The following PTPN3 variants were observed in gnomAD, a reference collection of about 807,000 sequenced individuals.
The protein encoded by PTPN3 is tyrosine-protein phosphatase non-receptor type 3.
Under a neutral mutation model 132.7 loss-of-function variants are expected in PTPN3, and 96 were observed. That is an observed-to-expected ratio of 0.72 (90% confidence interval 0.61 to 0.86). The LOEUF (loss-of-function observed/expected upper bound fraction) is 0.86, where lower values mean the gene tolerates loss of function less well. PTPN3 is among the 40% of genes least tolerant of loss of function. The pLI, the probability that PTPN3 is intolerant of heterozygous loss-of-function variation, is 0.00. For synonymous variants in PTPN3, 398 were observed against 429.0 expected (o/e 0.93, Z 0.89); for missense variants, 1,125 against 1,159.6 (o/e 0.97, Z 0.43).
chr9:109,500,161 G>T (rs1264998159), upstream of PTPN3, among the ~76,000 whole-genome samples: 1 of 152,364 alleles, frequency 6.6e-6, no homozygotes, highest in African/African-American at 2.4e-5. Context: ...TAAGGAACGT[G>T]AACGTGTTTA....
In PTPN3 at chr9:109,404,454, C is replaced by T. The variant is rs754970085; in HGVS notation, c.1947G>A (p.Gln649=). The change falls in exon 19 of 26, where the codon CAG becomes CAA. Residue 649 remains glutamine (Q), a synonymous_variant. Coordinates refer to ENST00000374541, the MANE Select transcript of PTPN3 (RefSeq NM_002829.4). ...AGCCTCCAGAGGGTCTTACCTCAAACTGGATCAGCACCGTCCCGCTTTCGA... is the reference window on the plus strand; with the variant it reads ...AGCCTCCAGAGGGTCTTACCTCAAATTGGATCAGCACCGTCCCGCTTTCGA... ...KGLESGTVLI[Q]FEQLYRKKPG... 6.9e-7 allele frequency: 1 copy of T among 1,447,980 alleles called. No individual in the cohort carries two copies. Among genetic ancestry groups the T allele is most frequent in the Non-Finnish European group, 9.3e-7 (1 of 1,079,960 alleles). 89.7% of individuals were successfully genotyped at this position (1,447,980 alleles called of 1,614,324 possible).
chr9:109,418,105 A>C (rs1300814102), intron 14 of PTPN3, among the ~76,000 whole-genome samples: 1 of 152,104 alleles, frequency 6.6e-6, no homozygotes, highest in Non-Finnish European at 1.5e-5. Context: ...CAGGAGGAAA[A>C]TCTGATGTAG....
At chr9:109,496,918 G>T (rs1847694784) in intron 1 of PTPN3, among the ~76,000 whole-genome samples, 1 of 152,168 alleles carries the variant, frequency 6.6e-6, no homozygotes, top group South Asian at 2.1e-4. Flanking sequence ...ATCGCTTAAA[G>T]TTGGATTTGG....
chr9:109,489,256 T>C (rs867095039), intron 1 of PTPN3, among the ~76,000 whole-genome samples: 25 of 152,186 alleles, frequency 1.6e-4, no homozygotes, highest in African/African-American at 5.3e-4. Flanking sequence ...ACAGGTACCA[T>C]AGTGAGGTGA....
chr9:109,485,442 A>G (rs1847164121), intron 1 of PTPN3, among the ~76,000 whole-genome samples: 1 of 152,218 alleles, frequency 6.6e-6, no homozygotes, highest in South Asian at 2.1e-4. Context: ...TGGGAGGCGG[A>G]GCTTGCAGTG....
At position 109,389,393 on chromosome 9, in the gene PTPN3, G is replaced by C. The variant is rs762851927; in HGVS notation, c.2107-14C>G. ...AGGAATTTCCATCTGGTAAGAAATT[G>C]GTAAAGTATTAGAATCTGTTGCTGC... On this transcript the variant is annotated splice_polypyrimidine_tract_variant and intron_variant, in intron 21 of 25. Transcript: ENST00000374541. The C allele has an allele frequency of 5.6e-6, 9 of 1,611,870 alleles. No individual in the cohort carries two copies. Among genetic ancestry groups the C allele is most frequent in the African/African-American group, 1.3e-5 (1 of 74,878 alleles).
At chr9:109,505,548 G>T in the PTPN3 span, among the ~76,000 whole-genome samples, 1 of 152,158 alleles carries the variant, frequency 6.6e-6, no homozygotes, top group Non-Finnish European at 1.5e-5. Context: ...CAAAGTGTTG[G>T]GATTACAGGC....
At chr9:109,383,085 C>A (rs1839252442) in intron 23 of PTPN3, among the ~76,000 whole-genome samples, 1 of 152,194 alleles carries the variant, frequency 6.6e-6, no homozygotes, top group South Asian at 2.1e-4. Flanking sequence ...TGGCTTATTT[C>A]ACTTAGGATA....
intron 22 of PTPN3, among the ~76,000 whole-genome samples, chr9:109,388,348 A>T (rs1839775205): frequency 6.6e-6 from 1 of 152,202 alleles, no homozygotes. Flanking sequence ...AGGGGAGGTT[A>T]AGTTCCAGGG....
chr9:109,507,911 T>C, the PTPN3 span, among the ~76,000 whole-genome samples: 1 of 152,326 alleles, frequency 6.6e-6, no homozygotes, highest in South Asian at 2.1e-4. Context: ...GTCTCTCAGT[T>C]GGGTCCTGAA....
chr9:109,453,541 T>C (rs1426431542), intron 5 of PTPN3, among the ~76,000 whole-genome samples: 1 of 152,176 alleles, frequency 6.6e-6, no homozygotes, highest in African/African-American at 2.4e-5. Context: ...AAAACCCCAG[T>C]ACCAGCCCAG....
chr9:109,450,217 T>A (rs1438153714), intron 5 of PTPN3: 3 of 985,252 alleles, frequency 3.0e-6, no homozygotes, highest in Non-Finnish European at 3.6e-6. Flanking sequence ...TGAGAGACAG[T>A]ATAACATACA....
intron 19 of PTPN3, among the ~76,000 whole-genome samples, chr9:109,397,392 CA>C (rs1840691492): frequency 6.6e-6 from 1 of 152,156 alleles, no homozygotes; most frequent in South Asian, 2.1e-4. Flanking sequence ...AAAGCATGCC[CA>C]AGAGAATTTC....
At chr9:109,450,607 T>C in intron 5 of PTPN3, 1 of 985,038 alleles carries the variant, frequency 1.0e-6, no homozygotes, top group Non-Finnish European at 1.2e-6. Flanking sequence ...CTTGGGAGAC[T>C]TCCTAGGAAT....
At chr9:109,386,801 G>A (rs1037373016) in intron 22 of PTPN3, among the ~76,000 whole-genome samples, 4 of 152,228 alleles carry the variant, frequency 2.6e-5, no homozygotes, top group Non-Finnish European at 5.9e-5. Flanking sequence ...GGAAATGACA[G>A]GACCAGGCAA....
chr9:109,422,408 T>G (rs1478625588), intron 13 of PTPN3, among the ~76,000 whole-genome samples: 2 of 152,226 alleles, frequency 1.3e-5, no homozygotes, highest in African/African-American at 2.4e-5. Flanking sequence ...TTTTTTATTA[T>G]TGGACGTCTC....
intron 1 of PTPN3, among the ~76,000 whole-genome samples, chr9:109,472,388 A>G (rs1364648735): frequency 6.6e-6 from 1 of 152,224 alleles, no homozygotes; most frequent in Non-Finnish European, 1.5e-5. Flanking sequence ...ATTTTGTGCT[A>G]TTTATCAGGC....
intron 14 of PTPN3, among the ~76,000 whole-genome samples, chr9:109,414,579 C>T (rs766816317): frequency 9.9e-5 from 15 of 152,216 alleles, no homozygotes; most frequent in Non-Finnish European, 2.2e-4. Context: ...GGAAACAGCT[C>T]ATCTGGGGCT....
chr9:109,527,279 G>A, the PTPN3 span, among the ~76,000 whole-genome samples: 1 of 152,150 alleles, frequency 6.6e-6, no homozygotes, highest in East Asian at 1.9e-4. Context: ...TGGCCAACAT[G>A]GCAAAACCCT....
Sources: allele counts gnomAD v4.1 joint callset (sites outside exome capture counted in the v4.1 genomes callset), GRCh38; gene constraint gnomAD v4.1.1; transcripts MANE v1.5; gene names NCBI Gene and HGNC (gene_info 2026-07-23, HGNC 2026-07-21).